The following GRIN2A variants were observed in gnomAD, a reference collection of about 807,000 sequenced individuals.
GRIN2A encodes the protein glutamate receptor ionotropic, NMDA 2A.
A neutral mutation model predicts 113.4 loss-of-function variants in GRIN2A; 22 were observed. The observed-to-expected ratio is 0.19, with a 90% CI of 0.14 to 0.28. GRIN2A has a LOEUF of 0.28. Ranked by LOEUF, GRIN2A falls within the 10% of genes least tolerant of loss-of-function variation. The pLI, the probability that GRIN2A is intolerant of heterozygous loss-of-function variation, is 1.00. For missense variants in GRIN2A, 1,502 were observed against 1,887.0 expected (o/e 0.80, Z 3.78); for synonymous variants, 827 against 738.4 (o/e 1.12, Z -1.94).
intron 2 of GRIN2A, among the ~76,000 whole-genome samples, chr16:9,969,492 A>C (rs1317571033): frequency 6.6e-6 from 1 of 152,128 alleles, no homozygotes; most frequent in Non-Finnish European, 1.5e-5. Context: ...ATGCCTTCCA[A>C]ATCCAGATCA....
At chr16:10,155,928 T>G (rs1341449566) in intron 2 of GRIN2A, among the ~76,000 whole-genome samples, 2 of 152,116 alleles carry the variant, frequency 1.3e-5, no homozygotes, top group Non-Finnish European at 2.9e-5. Flanking sequence ...CAATTCAAGG[T>G]GAGATTTAGG....
At chr16:9,941,532 A>G (rs2044875746) in intron 2 of GRIN2A, among the ~76,000 whole-genome samples, 1 of 152,198 alleles carries the variant, frequency 6.6e-6, no homozygotes, top group South Asian at 2.1e-4. Context: ...TGTCATGCCA[A>G]ACTTCAGCCC....
At chr16:9,896,415 A>C (rs890707480) in intron 3 of GRIN2A, among the ~76,000 whole-genome samples, 5 of 152,214 alleles carry the variant, frequency 3.3e-5, no homozygotes, top group African/African-American at 1.2e-4. Context: ...GGATTTACTT[A>C]AAATCTCCTT....
intron 10 of GRIN2A, among the ~76,000 whole-genome samples, chr16:9,808,666 A>C (rs546157737): frequency 4.6e-5 from 7 of 152,336 alleles, no homozygotes; most frequent in Admixed American, 2.0e-4. Flanking sequence ...TAGAGACAGA[A>C]TATTAAAGTA....
intron 3 of GRIN2A, among the ~76,000 whole-genome samples, chr16:9,932,719 T>C (rs143745450): frequency 2.0e-4 from 31 of 152,276 alleles, no homozygotes; most frequent in African/African-American, 7.0e-4. Context: ...TCCATAGTAG[T>C]AACCATTTAC....
intron 2 of GRIN2A, among the ~76,000 whole-genome samples, chr16:10,141,362 C>T (rs191574586): frequency 1.4e-3 from 215 of 152,224 alleles, no homozygotes; most frequent in Admixed American, 5.7e-3. Context: ...GTGGTATGTG[C>T]CTGTAGTCCC....
chr16:9,871,151 C>A (rs1471818760), intron 4 of GRIN2A, among the ~76,000 whole-genome samples: 1 of 152,076 alleles, frequency 6.6e-6, no homozygotes, highest in African/African-American at 2.4e-5. Context: ...CCTGTCACAC[C>A]CACCTGGCAC....
chr16:9,889,144 C>G (rs531360706), intron 4 of GRIN2A, among the ~76,000 whole-genome samples: 2 of 152,098 alleles, frequency 1.3e-5, no homozygotes, highest in South Asian at 4.1e-4. Context: ...AGTTTTTCAG[C>G]AAATATGAGC....
At chr16:9,847,430 TGGCACA>T (rs998007450) in intron 5 of GRIN2A, among the ~76,000 whole-genome samples, 8 of 151,708 alleles carry the variant, frequency 5.3e-5, no homozygotes, top group African/African-American at 1.7e-4. Context: ...CCAGACATGG[TGGCACA>T]GGCCTGTAGT....
chr16:9,907,237 C>G (rs1349319435), intron 3 of GRIN2A, among the ~76,000 whole-genome samples: 6 of 152,042 alleles, frequency 3.9e-5, no homozygotes, highest in African/African-American at 1.2e-4. Context: ...GGTTAAATAC[C>G]TAAGAGTGAG....
At chr16:9,799,297 C>T (rs1476249187) in intron 10 of GRIN2A, among the ~76,000 whole-genome samples, 2 of 152,150 alleles carry the variant, frequency 1.3e-5, no homozygotes, top group African/African-American at 2.4e-5. Flanking sequence ...AATCTGAACA[C>T]AGACATGCAC....
chr16:9,909,545 T>C (rs1000842583), intron 3 of GRIN2A, among the ~76,000 whole-genome samples: 1 of 152,222 alleles, frequency 6.6e-6, no homozygotes, highest in Admixed American at 6.5e-5. Flanking sequence ...AATTTCCATT[T>C]AAATAGCCAC....
Position 9,849,943 on chromosome 16 carries a change from G to A in GRIN2A, c.1141C>T (p.His381Tyr), listed in dbSNP as rs757464009. Residue 381 changes from histidine (H) to tyrosine (Y), a missense_variant, in exon 5 of 13, where the codon CAT becomes TAT. Transcript: ENST00000330684. ...ACGGCGTGCCTCAGGCTCAGCGTAT[G>A]GTTCTCCCACTTGCCCACCTGCAGC... ...EWEKVGKWEN[H>Y]TLSLRHAVWP... 67 of 1,613,810 alleles carry A rather than the reference G, an allele frequency of 4.2e-5. 1 individual carries two copies. The highest frequency in any genetic ancestry group is 6.8e-6 in the Non-Finnish European group (8 of 1,179,870).
intron 2 of GRIN2A, among the ~76,000 whole-genome samples, chr16:10,075,021 T>C (rs925673037): frequency 4.6e-5 from 7 of 152,268 alleles, no homozygotes; most frequent in African/African-American, 1.7e-4. Flanking sequence ...GAGTTTCCAT[T>C]ATTATCAAAG....
At chr16:10,043,684 T>C (rs1418172170) in intron 2 of GRIN2A, among the ~76,000 whole-genome samples, 1 of 152,082 alleles carries the variant, frequency 6.6e-6, no homozygotes, top group Non-Finnish European at 1.5e-5. Flanking sequence ...CACAGCTTAG[T>C]GCTGAAGGGT....
intron 3 of GRIN2A, among the ~76,000 whole-genome samples, chr16:9,918,189 T>A (rs2044288569): frequency 6.6e-6 from 1 of 152,204 alleles, no homozygotes; most frequent in Non-Finnish European, 1.5e-5. Flanking sequence ...GCTCAAAGTC[T>A]CACAGCTAAT....
At chr16:10,024,384 A>C (rs1042049302) in intron 2 of GRIN2A, among the ~76,000 whole-genome samples, 4 of 152,140 alleles carry the variant, frequency 2.6e-5, no homozygotes, top group African/African-American at 7.2e-5. Flanking sequence ...CACCACACCC[A>C]GCTAATTTTA....
intron 5 of GRIN2A, among the ~76,000 whole-genome samples, chr16:9,841,695 T>G (rs2141347863): frequency 6.6e-6 from 1 of 152,308 alleles, no homozygotes. Context: ...TGCACTGAAC[T>G]TCTCTTGATA....
At chr16:10,066,336 C>T (rs762918598) in intron 2 of GRIN2A, among the ~76,000 whole-genome samples, 6 of 152,134 alleles carry the variant, frequency 3.9e-5, no homozygotes, top group East Asian at 1.9e-4. Context: ...TCTGTCTCAT[C>T]GTGTCCTTCT....
Sources: gnomAD v4.1 joint callset for allele counts (sites outside exome capture counted in the v4.1 genomes callset) on GRCh38, gnomAD v4.1.1 for gene constraint, MANE v1.5 for transcripts, NCBI Gene and HGNC (gene_info 2026-07-23, HGNC 2026-07-21) for gene names.